The following HMCN2 variants were observed in gnomAD, a reference collection of about 807,000 sequenced individuals.
HMCN2 encodes hemicentin 2, also known as hemicentin-2.
In HMCN2, 325 loss-of-function variants were observed where a neutral mutation model predicts 377.5. The ratio of observed to expected loss-of-function variants is 0.86; its 90% confidence interval spans 0.79 to 0.94. The LOEUF is 0.94. HMCN2 is among the 40% of genes least tolerant of loss of function. The pLI is 0.00. For missense variants in HMCN2, 4,543 were observed against 4,725.3 expected (o/e 0.96, Z 1.13); for synonymous variants, 2,007 against 2,046.8 (o/e 0.98, Z 0.53).
chr9:130,408,280 G>A (rs1215664813), intron 83 of HMCN2, among the ~76,000 whole-genome samples: 1 of 152,190 alleles, frequency 6.6e-6, no homozygotes, highest in Non-Finnish European at 1.5e-5. Context: ...CCAGAGCATC[G>A]AAGAGTGTTT....
chr9:130,310,472 A>AAG (rs34560194), intron 15 of HMCN2, among the ~76,000 whole-genome samples: 34,396 of 151,868 alleles, frequency 0.23, 4,444 homozygotes, highest in East Asian at 0.39. Context: ...CTCCCAGAGA[A>AAG]AGAGAGAGAG....
rs556573502 is a variant in HMCN2, at chr9:130,280,261, C to T, written c.260-4342C>T. 5.2e-4 allele frequency among the ~76,000 whole-genome samples: 78 copies of T among 149,246 alleles called. 2 individuals are homozygous for T. In the South Asian group the frequency reaches 0.016, roughly 31 times the overall value. ...CACTGCAAGCTCCGCCTCCCGGGTT[C>T]ACGCCATTCTCCTGCCTCAGCCTCC... On this transcript the variant is annotated intron_variant, in intron 1 of 97. Coordinates refer to ENST00000683500, the MANE Select transcript of HMCN2 (RefSeq NM_001291815.2).
intron 15 of HMCN2, among the ~76,000 whole-genome samples, chr9:130,316,373 G>A (rs926950512): frequency 0.01 from 1,544 of 151,846 alleles, 29 homozygotes; most frequent in Non-Finnish European, 0.012. Flanking sequence ...TGGGGGTGGG[G>A]GTGCTGCCCT....
chr9:130,418,721 A>C, intron 85 of HMCN2, 51 bp from the exon 86 acceptor site: 1 of 1,366,108 alleles, frequency 7.3e-7, no homozygotes, highest in Non-Finnish European at 9.6e-7. Context: ...ATCCCACTTG[A>C]ATATGCAAAA....
At chr9:130,390,355 C>T (rs951770102) in intron 62 of HMCN2, among the ~76,000 whole-genome samples, 4 of 152,120 alleles carry the variant, frequency 2.6e-5, no homozygotes, top group Admixed American at 2.0e-4. Context: ...ACATTGTGAA[C>T]TCCTTGAGGA....
At chr9:130,268,837 T>C (rs1371043858) in intron 1 of HMCN2, among the ~76,000 whole-genome samples, 1 of 148,322 alleles carries the variant, frequency 6.7e-6, no homozygotes, top group Non-Finnish European at 1.5e-5. Context: ...AAGGGCAAGA[T>C]TGGACACAGC....
At chr9:130,402,400 T>C (rs1022420565) in intron 77 of HMCN2, among the ~76,000 whole-genome samples, 1 of 152,170 alleles carries the variant, frequency 6.6e-6, no homozygotes, top group Non-Finnish European at 1.5e-5. Flanking sequence ...CTGGGAGGCT[T>C]CCTAGAGGAG....
At position 130,360,625 on chromosome 9, in the gene HMCN2, A is replaced by G. The variant is rs936230056; in HGVS notation, c.5950+21A>G. 4.7e-6 allele frequency: 6 copies of G among 1,265,964 alleles called. No homozygotes were observed. Among genetic ancestry groups the G allele is most frequent in the Non-Finnish European group, 6.2e-6 (6 of 965,728 alleles). 78.4% of individuals were successfully genotyped at this position (1,265,964 alleles called of 1,614,324 possible). A position where few individuals can be genotyped will look rare whatever the true frequency, so the allele number is the denominator to read the frequency against. The stretch of plus-strand genomic sequence containing the variant: ...CAATGGTGAGCTTCCCTGGGCCTAC[A>G]AGGTCCCTTGTCCAAAAAGTTGTCT... On this transcript the variant is annotated intron_variant, in intron 38 of 97. Transcript: ENST00000683500. The surrounding 1 kb of genome is among the most constrained non-coding windows in gnomAD (Gnocchi z 4.7).
Position 130,402,916 on chromosome 9 carries a change from A to G in HMCN2, c.11878+20A>G. On this transcript the variant is annotated intron_variant, in intron 78 of 97. Transcript: ENST00000683500. ...TGCAAGGTAAGGGTCCGTGGTCCAG[A>G]CCCCAGAGTTCCTAGGGCCAGGGGA... The G allele has an allele frequency of 7.8e-7, 1 of 1,285,846 alleles. No individual in the cohort carries two copies. Among genetic ancestry groups the G allele is most frequent in the Non-Finnish European group, 1.0e-6 (1 of 986,156 alleles). The allele number at this position is 1,285,846 out of a possible 1,614,324, so 79.7% of individuals were successfully genotyped here.
chr9:130,299,184 T>G lies in HMCN2; in HGVS notation c.1172T>G (p.Phe391Cys). The G allele has an allele frequency of 2.1e-6, 1 of 471,052 alleles. No individual in the cohort carries two copies. The highest frequency in any genetic ancestry group is 1.5e-5 in the South Asian group (1 of 64,562). 29.2% of individuals were successfully genotyped at this position (471,052 alleles called of 1,614,324 possible). A position where few individuals can be genotyped will look rare whatever the true frequency, so the allele number is the denominator to read the frequency against. ...CATCAGCTGTGGGGCGGGCCGCCCT[T>G]CCACACCCCCAAGGAGCGCTTCTAC... ...STHQLWGGPP[F>C]HTPKERFYLK... The change falls in exon 8 of 98, where the codon TTC (phenylalanine) becomes TGC (cysteine). Residue 391 changes from phenylalanine to cysteine, a missense_variant. Transcript: ENST00000683500.
intron 22 of HMCN2, among the ~76,000 whole-genome samples, chr9:130,328,699 G>A (rs1381544562): frequency 6.6e-6 from 1 of 152,190 alleles, no homozygotes; most frequent in African/African-American, 2.4e-5. Context: ...CCGCAGACCC[G>A]GTGCCGAACT....
At chr9:130,376,998 C>T (rs138670694) in intron 52 of HMCN2, among the ~76,000 whole-genome samples, 6 of 151,736 alleles carry the variant, frequency 4.0e-5, no homozygotes, top group African/African-American at 1.2e-4. Context: ...GGGGTTTCAC[C>T]GTGTTGGCCA....
intron 1 of HMCN2, among the ~76,000 whole-genome samples, chr9:130,271,210 AT>A (rs1782551480): frequency 6.7e-6 from 1 of 148,626 alleles, no homozygotes; most frequent in South Asian, 2.2e-4. Flanking sequence ...TATTTTTCAG[AT>A]TTCTCCACTA....
intron 62 of HMCN2, among the ~76,000 whole-genome samples, chr9:130,390,557 C>T (rs1245051206): frequency 6.6e-6 from 1 of 152,028 alleles, no homozygotes; most frequent in Non-Finnish European, 1.5e-5. Context: ...GGCCTGAAGG[C>T]CGGGAGTGGG....
chr9:130,316,524 C>G (rs1208712620), intron 15 of HMCN2, among the ~76,000 whole-genome samples: 1 of 152,156 alleles, frequency 6.6e-6, no homozygotes, highest in African/African-American at 2.4e-5. Flanking sequence ...TCACCAGGCA[C>G]ATTTCCGGGT....
At chr9:130,356,648 T>G (rs1420438595) in intron 34 of HMCN2, among the ~76,000 whole-genome samples, 1 of 152,246 alleles carries the variant, frequency 6.6e-6, no homozygotes, top group Admixed American at 6.5e-5. Flanking sequence ...CTGAAATACT[T>G]TTCCTCCAGG....
chr9:130,286,615 C>A (rs1835428533), intron 4 of HMCN2, among the ~76,000 whole-genome samples: 1 of 152,212 alleles, frequency 6.6e-6, no homozygotes, highest in Middle Eastern at 3.2e-3. Context: ...CTTGGGATGG[C>A]CTGGGTTCAG....
intron 80 of HMCN2, 65 bp from the exon 81 acceptor site, chr9:130,404,804 G>T: frequency 8.9e-7 from 1 of 1,117,418 alleles, no homozygotes; most frequent in Non-Finnish European, 1.1e-6. Flanking sequence ...AAGGCCAAGG[G>T]CCCCAGGATG....
chr9:130,429,922 C>A (rs1844635667), intron 94 of HMCN2: 1 of 733,850 alleles, frequency 1.4e-6, no homozygotes, highest in Non-Finnish European at 2.1e-6. Context: ...TCAGCCTGAC[C>A]CTGTGGGGTC....
Sources: gnomAD v4.1 joint callset for allele counts (sites outside exome capture counted in the v4.1 genomes callset) on GRCh38, gnomAD v4.1.1 for gene constraint, Gnocchi (gnomAD v3.1) non-coding constraint, MANE v1.5 for transcripts, NCBI Gene and HGNC (gene_info 2026-07-23, HGNC 2026-07-21) for gene names.